The following ARID1B variants were observed in gnomAD, a reference collection of about 807,000 sequenced individuals.
ARID1B encodes the protein AT-rich interaction domain 1B.
In ARID1B, 30 loss-of-function variants were observed where a neutral mutation model predicts 212.3. The observed-to-expected ratio is 0.14, with a 90% CI of 0.11 to 0.19. The LOEUF is 0.19. Ranked by LOEUF, ARID1B falls within the 10% of genes least tolerant of loss-of-function variation. The pLI is 1.00. For synonymous variants in ARID1B, 1,402 were observed against 1,301.7 expected (o/e 1.08, Z -1.66); for missense variants, 2,891 against 3,204.0 (o/e 0.90, Z 2.36).
In ARID1B at chr6:157,207,393, G is replaced by A. The variant is rs1259109745; in HGVS notation, c.6621G>A (p.Glu2207=). 6.2e-7 allele frequency: 1 copy of A among 1,614,032 alleles called. No individual in the cohort carries two copies. Among genetic ancestry groups the A allele is most frequent in the Non-Finnish European group, 8.5e-7 (1 of 1,180,038 alleles). ...TGTCGCCTCAGAGACTTGTGCTGGA[G>A]ACCCTCTGTAAACTCAGTATCCAGG... The part of the protein sequence containing the change: ...SVLSPQRLVL[E]TLCKLSIQDN... The change falls in exon 20 of 20, where the codon GAG becomes GAA. Residue 2207 remains glutamate (E), a synonymous_variant. Transcript: ENST00000636930. The surrounding 1 kb of genome is among the most constrained non-coding windows in gnomAD (Gnocchi z 8.5).
chr6:156,805,624 C>A (rs1348235720), intron 1 of ARID1B, among the ~76,000 whole-genome samples: 1 of 152,088 alleles, frequency 6.6e-6, no homozygotes, highest in Non-Finnish European at 1.5e-5. Context: ...CTTTTATTTT[C>A]TTTCCTTTCC....
rs530659142 is a variant in ARID1B at position 156,863,856 on chromosome 6, CTT to C, written c.1986+34437_1986+34438del. The stretch of plus-strand genomic sequence containing the variant: ...GGCATTTTGGATGGGTGCTGGGCCT[CTT>C]TGAGTCCTTGGCAAAATCCATGTGC... On this transcript the variant is annotated intron_variant, in intron 2 of 19. Coordinates refer to ENST00000636930, the MANE Select transcript of ARID1B (RefSeq NM_001374828.1). 1.4e-3 allele frequency among the ~76,000 whole-genome samples: 209 copies of C among 152,280 alleles called. 1 individual carries two copies. Among genetic ancestry groups the C allele is most frequent in the South Asian group, 4.6e-3 (22 of 4,822 alleles).
chr6:156,853,599 G>T (rs1362611389), intron 2 of ARID1B, among the ~76,000 whole-genome samples: 3 of 152,170 alleles, frequency 2.0e-5, no homozygotes, highest in East Asian at 3.9e-4. Flanking sequence ...AGCTTCTCTT[G>T]TTCTCTGTGG....
At chr6:156,934,271 A>C (rs1161146537) in intron 3 of ARID1B, among the ~76,000 whole-genome samples, 1 of 151,878 alleles carries the variant, frequency 6.6e-6, no homozygotes, top group African/African-American at 2.4e-5. Flanking sequence ...GTTTGACTTC[A>C]GGGGGAAACG....
At chr6:156,894,926 A>G (rs1788262947) in intron 2 of ARID1B, among the ~76,000 whole-genome samples, 2 of 152,204 alleles carry the variant, frequency 1.3e-5, no homozygotes, top group South Asian at 4.1e-4. Context: ...AGGTTCAGTC[A>G]ACAGACATTC....
intron 4 of ARID1B, among the ~76,000 whole-genome samples, chr6:156,948,402 G>T (rs955732716): frequency 2.6e-5 from 4 of 151,956 alleles, no homozygotes; most frequent in Admixed American, 6.6e-5. Context: ...TTATAGAGAT[G>T]GGGGGGCAGT....
intron 6 of ARID1B, among the ~76,000 whole-genome samples, chr6:157,123,488 C>A (rs1397739742): frequency 1.3e-5 from 2 of 152,236 alleles, no homozygotes; most frequent in Non-Finnish European, 2.9e-5. Context: ...TCAGCTCTAG[C>A]TGGCCTTGTA....
intron 4 of ARID1B, among the ~76,000 whole-genome samples, chr6:157,007,078 G>A (rs921951113): frequency 6.6e-6 from 1 of 152,172 alleles, no homozygotes; most frequent in Non-Finnish European, 1.5e-5. Context: ...GGACATGGGA[G>A]AACTGTGTGT....
intron 4 of ARID1B, among the ~76,000 whole-genome samples, chr6:157,045,675 GT>G (rs892431955): frequency 6.6e-6 from 1 of 152,050 alleles, no homozygotes; most frequent in Admixed American, 6.6e-5. Flanking sequence ...CTAGCAAACA[GT>G]TTTTTTGAAC....
Position 157,174,991 on chromosome 6 carries a change from A to G in ARID1B, c.3490A>G (p.Thr1164Ala). 6.8e-7 allele frequency: 1 copy of G among 1,466,412 alleles called. No individual in the cohort carries two copies. Among genetic ancestry groups the G allele is most frequent in the South Asian group, 1.5e-5 (1 of 64,538 alleles). 90.8% of individuals were successfully genotyped at this position (1,466,412 alleles called of 1,614,324 possible). ...CATTAGCAGCCCAGGCTGGCCAAAG[A>G]CTCCATCAAGCCCTGTAAGTGGCTC... is the stretch of plus-strand genomic sequence containing the variant. ...DSISSPGWPK[T>A]PSSPKSSSST... The change falls in exon 11 of 20, where the codon ACT (threonine) becomes GCT (alanine). Residue 1164 changes from threonine (T) to alanine (A), a missense_variant. Physicochemically the swap from Thr to Ala is moderately conservative, Grantham distance 58. Coordinates refer to ENST00000636930, the MANE Select transcript of ARID1B (RefSeq NM_001374828.1).
At chr6:156,870,323 C>G (rs1426855441) in intron 2 of ARID1B, 2 of 152,134 alleles carry the variant, frequency 1.3e-5, no homozygotes, top group African/African-American at 4.8e-5. Flanking sequence ...TAGCAGGCCC[C>G]GTCTGAGGCC....
At chr6:157,180,390 AC>A (rs1156528114) in intron 11 of ARID1B, among the ~76,000 whole-genome samples, 4 of 151,736 alleles carry the variant, frequency 2.6e-5, no homozygotes, top group African/African-American at 9.7e-5. Context: ...ACAAAAAAAA[AC>A]AAAAAACACA....
At chr6:157,051,621 A>T (rs759503506) in intron 4 of ARID1B, among the ~76,000 whole-genome samples, 2 of 152,218 alleles carry the variant, frequency 1.3e-5, no homozygotes, top group African/African-American at 2.4e-5. Flanking sequence ...GAATGTTTGA[A>T]TGCTAGACTT....
At position 157,201,127 on chromosome 6, in the gene ARID1B, G is replaced by A. The variant is rs373910693; in HGVS notation, c.4902G>A (p.Gln1634=). Residue 1634 remains glutamine, a synonymous_variant, in exon 18 of 20, where the codon CAG becomes CAA. Coordinates refer to ENST00000636930, the MANE Select transcript of ARID1B (RefSeq NM_001374828.1). The surrounding 1 kb of genome is among the most constrained non-coding windows in gnomAD (Gnocchi z 5.2). ...VPDQRINHES[Q]WPSHVSQRQP... is the part of the protein sequence containing the mutation. The stretch of plus-strand genomic sequence containing the variant: ...ATCAGAGGATAAATCATGAGAGCCA[G>A]TGGCCTTCTCACGTCAGCCAGCGTC... 1 of 1,614,206 alleles carries A rather than the reference G, an allele frequency of 6.2e-7. No individual in the cohort carries two copies. Among genetic ancestry groups the A allele is most frequent in the Non-Finnish European group, 8.5e-7 (1 of 1,180,030 alleles).
intron 4 of ARID1B, among the ~76,000 whole-genome samples, chr6:157,007,536 G>T (rs561452239): frequency 6.6e-6 from 1 of 152,176 alleles, no homozygotes; most frequent in African/African-American, 2.4e-5. Context: ...AGATTTGCAC[G>T]TGCACACATA....
chr6:156,987,182 AG>A (rs1249696651), intron 4 of ARID1B, among the ~76,000 whole-genome samples: 1 of 151,402 alleles, frequency 6.6e-6, no homozygotes, highest in African/African-American at 2.5e-5. Context: ...AGAGAGAGAG[AG>A]AGAGAGAGAG....
chr6:157,124,775 G>T (rs1279739717), intron 6 of ARID1B, among the ~76,000 whole-genome samples: 1 of 151,628 alleles, frequency 6.6e-6, no homozygotes, highest in Non-Finnish European at 1.5e-5. Flanking sequence ...CTAAAGTGTG[G>T]ATTGTTGAAA....
chr6:156,839,434 A>G (rs1343742571), intron 2 of ARID1B, among the ~76,000 whole-genome samples: 1 of 152,208 alleles, frequency 6.6e-6, no homozygotes, highest in Non-Finnish European at 1.5e-5. Context: ...CCCTACCTCC[A>G]GTCAACATAT....
intron 8 of ARID1B, among the ~76,000 whole-genome samples, chr6:157,154,569 TTTTTTTTTTTG>T (rs1374448623): frequency 8.3e-5 from 10 of 120,542 alleles, no homozygotes; most frequent in African/African-American, 3.0e-4. Flanking sequence ...TGCTCTTCTG[TTTTTTTTTTTG>T]TTTTTTTTTT....
Sources: gnomAD v4.1 joint callset for allele counts (sites outside exome capture counted in the v4.1 genomes callset) on GRCh38, gnomAD v4.1.1 for gene constraint, Gnocchi (gnomAD v3.1) non-coding constraint, MANE v1.5 for transcripts, NCBI Gene and HGNC (gene_info 2026-07-23, HGNC 2026-07-21) for gene names.